Variants in ADAMTSL1 observed in about 807,000 individuals in gnomAD.
ADAMTSL1 encodes ADAMTS like 1, also known as ADAMTS-like protein 1.
In ADAMTSL1, 126 loss-of-function variants were observed where a neutral mutation model predicts 201.8. That is an observed-to-expected ratio of 0.62 (90% confidence interval 0.54 to 0.72). The LOEUF (loss-of-function observed/expected upper bound fraction) is 0.72, where lower values mean the gene tolerates loss of function less well. Among genes scored for constraint, ADAMTSL1 ranks in the 30% least tolerant of loss-of-function variants. The pLI, the probability that ADAMTSL1 is intolerant of heterozygous loss-of-function variation, is 0.00. For synonymous variants in ADAMTSL1, 1,121 were observed against 903.4 expected, an observed-to-expected ratio of 1.24 and a Z score of -4.32; for missense variants, 2,679 against 2,277.8, an observed-to-expected ratio of 1.18 and a Z score of -3.59.
chr9:17,959,064 ATATAG>A (rs1817612109), intron 1 of ADAMTSL1, among the ~76,000 whole-genome samples: 2 of 152,176 alleles, frequency 1.3e-5, no homozygotes, highest in Non-Finnish European at 2.9e-5. Flanking sequence ...TACTACTGTA[ATATAG>A]TATTATTTTT....
At chr9:18,796,913 T>C (rs1822460629) in intron 20 of ADAMTSL1, among the ~76,000 whole-genome samples, 1 of 152,352 alleles carries the variant, frequency 6.6e-6, no homozygotes, top group Admixed American at 6.5e-5. Context: ...ATAGTGGCTC[T>C]TGCAGGATTA....
rs199600624 is a variant in ADAMTSL1 at position 18,054,592 on chromosome 9, C to T, written c.88-109270C>T. The stretch of plus-strand genomic sequence containing the variant: ...CGACATGTTTTCTCATTGAATTATT[C>T]CATCCACCATCGGGGGGCTAGTGAC... On this transcript the variant is annotated intron_variant, in intron 1 of 29. Transcript: ENST00000680146. Among the ~76,000 whole-genome samples the T allele has an allele frequency of 2.0e-4, 30 of 152,256 alleles. No homozygotes were observed. The East Asian group carries it at 5.4e-3, about 27-fold the overall frequency.
At chr9:17,963,917 C>T (rs1023018192) in intron 1 of ADAMTSL1, among the ~76,000 whole-genome samples, 2 of 152,118 alleles carry the variant, frequency 1.3e-5, no homozygotes, top group Non-Finnish European at 2.9e-5. Flanking sequence ...TCTCACTTTC[C>T]AATTCTCCTC....
chr9:17,967,720 G>A (rs982754999), intron 1 of ADAMTSL1, among the ~76,000 whole-genome samples: 1 of 151,966 alleles, frequency 6.6e-6, no homozygotes, highest in Non-Finnish European at 1.5e-5. Flanking sequence ...CTGATTCATA[G>A]AGGTCTTTTG....
chr9:18,333,673 T>G (rs896458123), intron 2 of ADAMTSL1, among the ~76,000 whole-genome samples: 1 of 152,162 alleles, frequency 6.6e-6, no homozygotes, highest in Admixed American at 6.6e-5. Context: ...GAGTACAATA[T>G]TTGGTCAGAG....
Position 18,777,804 on chromosome 9 carries a change from C to T in ADAMTSL1, c.3575C>T (p.Ala1192Val). 6.2e-7 allele frequency: 1 copy of T among 1,613,774 alleles called. No homozygotes were observed. The highest frequency in any genetic ancestry group is 2.2e-5 in the East Asian group (1 of 44,868). Residue 1192 changes from alanine (A) to valine (V), a missense_variant, in exon 19 of 29, where the codon GCC becomes GTC. Transcript: ENST00000380548. Reference protein sequence around the residue: ...VTHLGQTVALASGTLSVLLHC... With the variant: ...VTHLGQTVALVSGTLSVLLHC... ...CACCTGGGGCAGACGGTGGCCCTGG[C>T]CAGCGGGACACTGAGTGTTCTTCTG...
intron 2 of ADAMTSL1, among the ~76,000 whole-genome samples, chr9:18,465,093 A>G (rs545712208): frequency 9.9e-4 from 151 of 152,372 alleles, no homozygotes; most frequent in Admixed American, 2.5e-3. Flanking sequence ...AAAAGTTTAC[A>G]GAATCTCAGG....
rs1829131496 is a variant in ADAMTSL1 at position 18,195,329 on chromosome 9, C to T, written c.207+31348C>T. Among the ~76,000 whole-genome samples, 6 of 152,262 alleles carry T rather than the reference C, an allele frequency of 3.9e-5. No homozygotes were observed. In the South Asian group the frequency reaches 1.0e-3, roughly 26 times the overall value. On this transcript the variant is annotated intron_variant, in intron 2 of 29. Coordinates refer to the ADAMTSL1 transcript ENST00000680146. Reference sequence around the variant, plus strand: ...ATGCTTTTGGTGGCAAGGATCAAAACTGCCTCCGGGAAGGCCATCTGTGTG... The same window carrying T: ...ATGCTTTTGGTGGCAAGGATCAAAATTGCCTCCGGGAAGGCCATCTGTGTG...
chr9:18,270,898 C>CT (rs1832334718), intron 2 of ADAMTSL1, among the ~76,000 whole-genome samples: 1 of 152,146 alleles, frequency 6.6e-6, no homozygotes, highest in Admixed American at 6.6e-5. Flanking sequence ...TGCATAGTCT[C>CT]TTTCCCTGTT....
At chr9:18,148,052 G>A (rs1189293206) in intron 1 of ADAMTSL1, among the ~76,000 whole-genome samples, 1 of 152,040 alleles carries the variant, frequency 6.6e-6, no homozygotes, top group Non-Finnish European at 1.5e-5. Flanking sequence ...TGTAGTAGAA[G>A]CTACATAAAT....
chr9:18,892,725 CT>C lies in ADAMTSL1; in HGVS notation c.4851+133del, dbSNP rs1241307936. Reference sequence around the variant, plus strand: ...TCACATTCTGATTGGCCAGGCATAGCTTTTGTGGGTTGTCCAGCTGAGACAC... The same window carrying C: ...TCACATTCTGATTGGCCAGGCATAGCTTTGTGGGTTGTCCAGCTGAGACAC... On this transcript the variant is annotated intron_variant, in intron 26 of 28. Coordinates refer to ENST00000380548, the MANE Select transcript of ADAMTSL1 (RefSeq NM_001040272.6). The C allele has an allele frequency of 4.5e-6, 5 of 1,117,848 alleles. No homozygotes were observed. In the African/African-American group the frequency reaches 6.3e-5, roughly 14 times the overall value. 69.2% of individuals were successfully genotyped at this position (1,117,848 alleles called of 1,614,324 possible). A position where few individuals can be genotyped will look rare whatever the true frequency, so the allele number is the denominator to read the frequency against.
At chr9:18,469,753 A>T (rs1443394967), upstream of ADAMTSL1, among the ~76,000 whole-genome samples, 1 of 152,216 alleles carries the variant, frequency 6.6e-6, no homozygotes, top group Non-Finnish European at 1.5e-5. Flanking sequence ...CTCTGTAGCC[A>T]TTTTTACAAG....
intron 2 of ADAMTSL1, among the ~76,000 whole-genome samples, chr9:18,297,612 T>G (rs1374992850): frequency 6.6e-6 from 1 of 152,234 alleles, no homozygotes; most frequent in Non-Finnish European, 1.5e-5. Flanking sequence ...TATGCATCCC[T>G]CAGGTGAACC....
chr9:17,966,810 C>G (rs1269096638), intron 1 of ADAMTSL1, among the ~76,000 whole-genome samples: 3 of 151,860 alleles, frequency 2.0e-5, no homozygotes, highest in African/African-American at 7.3e-5. Flanking sequence ...ATTTCCCTCC[C>G]CAATCCTGTT....
At chr9:18,447,856 A>T (rs1335541248) in intron 2 of ADAMTSL1, among the ~76,000 whole-genome samples, 1 of 152,202 alleles carries the variant, frequency 6.6e-6, no homozygotes, top group African/African-American at 2.4e-5. Flanking sequence ...GAAGAGCCCA[A>T]ACTTTGATGT....
chr9:18,829,902 C>G lies in ADAMTSL1; in HGVS notation c.4174C>G (p.Pro1392Ala). ...DIRALLAATG[P>A]NLPSVLTSPL... ...CAGGGCCTTGCTCGCTGCCACTGGA[C>G]CGAACCTTCCTTCAGTGCTGACGTC... is the stretch of plus-strand genomic sequence containing the variant. The change falls in exon 23 of 29, where the codon CCG becomes GCG. Residue 1392 changes from proline to alanine, a missense_variant. Pro to Ala is a conservative substitution (Grantham distance 27). Transcript: ENST00000380548. The G allele has an allele frequency of 6.2e-7, 1 of 1,613,942 alleles. No individual in the cohort carries two copies. The highest frequency in any genetic ancestry group is 8.5e-7 in the Non-Finnish European group (1 of 1,179,880).
chr9:18,045,866 C>G (rs1821636410), intron 1 of ADAMTSL1, among the ~76,000 whole-genome samples: 1 of 152,046 alleles, frequency 6.6e-6, no homozygotes. Flanking sequence ...ATTTTCATCT[C>G]AATTGACAAT....
chr9:18,302,951 A>G (rs1215126060), intron 2 of ADAMTSL1, among the ~76,000 whole-genome samples: 1 of 152,200 alleles, frequency 6.6e-6, no homozygotes, highest in Non-Finnish European at 1.5e-5. Context: ...ACATGAAGGT[A>G]TCTGAAAAGC....
chr9:18,716,109 C>T (rs1034004215), intron 14 of ADAMTSL1, among the ~76,000 whole-genome samples: 25 of 151,332 alleles, frequency 1.7e-4, no homozygotes, highest in Middle Eastern at 3.4e-3. Context: ...AAGACTTAAA[C>T]GTTAGACCTA....
Sources: allele counts gnomAD v4.1 joint callset (sites outside exome capture counted in the v4.1 genomes callset), GRCh38; gene constraint gnomAD v4.1.1; transcripts MANE v1.5; gene names NCBI Gene and HGNC (gene_info 2026-07-23, HGNC 2026-07-21).